COMMD5: variants seen among roughly 807,000 people sequenced by gnomAD.
COMMD5 encodes the protein COMM domain-containing protein 5.
COMMD5 carries 10 observed loss-of-function variants against 6.9 expected under a neutral mutation model. The observed-to-expected ratio is 1.44, with a 90% CI of 0.89 to 2.45. COMMD5 has a LOEUF of 2.45. Ranked by LOEUF, COMMD5 falls within the 30% of genes most tolerant of loss-of-function variation. The pLI is 0.00. For missense variants in COMMD5, 234 were observed against 287.8 expected, an observed-to-expected ratio of 0.81 and a Z score of 1.35; for synonymous variants, 127 against 125.3, an observed-to-expected ratio of 1.01 and a Z score of -0.09.
exon 2 of COMMD5, chr8:144,841,325 A>G: frequency 3.8e-6 from 6 of 1,572,764 alleles, no homozygotes; most frequent in Non-Finnish European, 5.2e-6. Context: ...CACAGGGCCT[A>G]AGGAACGTCT....
At chr8:144,843,570 AGAGT>A (rs1830284876) in intron 1 of COMMD5, 1 of 143,560 alleles carries the variant, frequency 7.0e-6, no homozygotes, top group African/African-American at 2.7e-5. Context: ...CCTGGGTGAC[AGAGT>A]GAGACTCCCT....
chr8:144,848,589 A>T (rs1226081558), downstream of COMMD5, among the ~76,000 whole-genome samples: 4 of 152,204 alleles, frequency 2.6e-5, no homozygotes, highest in African/African-American at 9.7e-5. Context: ...CAGGGTGGAC[A>T]GAAACTTCAT....
intron 1 of COMMD5, chr8:144,841,754 AAATT>A (rs781091698): frequency 1.7e-5 from 27 of 1,614,048 alleles, no homozygotes; most frequent in Non-Finnish European, 2.5e-6. Context: ...CTGCATTGGG[AAATT>A]AATACACAGA....
At position 144,850,262 on chromosome 8, in the gene COMMD5, A is replaced by C. The variant is rs1830676038; in HGVS notation, c.*402T>G. ...GTCAGCTCCATGGGGTCAGGGATTT[A>C]AGGCAGAAGAGTGAAAATGCCCAAC... On this transcript the variant is annotated 3_prime_UTR_variant, in exon 2 of 2. Transcript: ENST00000305103. This position sits in a 1 kb window ranked among gnomAD's most constrained non-coding sequence, Gnocchi z 4.0. 5.9e-6 allele frequency: 1 copy of C among 170,336 alleles called. No individual in the cohort carries two copies. Among genetic ancestry groups the C allele is most frequent in the African/African-American group, 2.4e-5 (1 of 41,948 alleles). 10.6% of individuals were successfully genotyped at this position (170,336 alleles called of 1,614,324 possible). A position where few individuals can be genotyped will look rare whatever the true frequency, so the allele number is the denominator to read the frequency against.
At chr8:144,844,568 G>A (rs1830386515) in intron 1 of COMMD5, among the ~76,000 whole-genome samples, 1 of 151,946 alleles carries the variant, frequency 6.6e-6, no homozygotes, top group South Asian at 2.1e-4. Flanking sequence ...AAATTAGCCG[G>A]GCGTGGTGGC....
chr8:144,838,950 A>AG (rs1251725148), downstream of COMMD5: 4 of 152,116 alleles, frequency 2.6e-5, no homozygotes, highest in African/African-American at 7.3e-5. Context: ...TCAAAAAAAA[A>AG]AAAAAAAAAA....
At chr8:144,849,860 C>T (rs114762571), downstream of COMMD5, among the ~76,000 whole-genome samples, 1,935 of 152,254 alleles carry the variant, frequency 0.013, 38 homozygotes, top group African/African-American at 0.044. Context: ...CTCAGAAGGG[C>T]TCCTCTGTCA....
chr8:144,850,564 T>C lies in COMMD5; in HGVS notation c.*100A>G. 3.9e-6 allele frequency: 5 copies of C among 1,268,228 alleles called. No homozygotes were observed. The highest frequency in any genetic ancestry group is 4.3e-6 in the Non-Finnish European group (4 of 920,186). 78.6% of individuals were successfully genotyped at this position (1,268,228 alleles called of 1,614,324 possible). A position where few individuals can be genotyped will look rare whatever the true frequency, so the allele number is the denominator to read the frequency against. ...AACACTCACTGAAGAGCCTGCCTCA[T>C]GGGAAGGGCAGGGCTGTCGTGGGAA... is the stretch of plus-strand genomic sequence containing the variant. On this transcript the variant is annotated 3_prime_UTR_variant, in exon 2 of 2. Transcript: ENST00000305103. The surrounding 1 kb of genome is among the most constrained non-coding windows in gnomAD (Gnocchi z 4.0).
chr8:144,843,400 TA>T, intron 1 of COMMD5: 2 of 434,084 alleles, frequency 4.6e-6, no homozygotes, highest in Non-Finnish European at 8.0e-6. Flanking sequence ...CCATCCTGGG[TA>T]ACAGGTGAAA....
rs770571914 is a variant in COMMD5, at chr8:144,850,936, G to A, written c.403C>T (p.Arg135Trp). The A allele has an allele frequency of 5.0e-6, 8 of 1,607,508 alleles. No homozygotes were observed. Among genetic ancestry groups the A allele is most frequent in the East Asian group, 2.2e-5 (1 of 44,620 alleles). Residue 135 changes from arginine to tryptophan, a missense_variant, in exon 2 of 2, where the codon CGG (arginine) becomes TGG (tryptophan). Transcript: ENST00000305103. This position sits in a 1 kb window ranked among gnomAD's most constrained non-coding sequence, Gnocchi z 4.0. Reference protein sequence around the residue: ...DLASVVFGSQRPLLDSVAQQQ... With the variant: ...DLASVVFGSQWPLLDSVAQQQ... ...TGGGCCACAGAATCAAGGAGGGGCC[G>A]CTGGCTCCCAAATACCACGCTGGCC...
At position 144,852,839 on chromosome 8, in the gene COMMD5, C is replaced by A. The variant is rs1434965096; in HGVS notation, c.-58G>T. ...CCCCCACGGTTCGGGGCCAACCTAC[C>A]GGCGGGCGCTCCTCCGCGGAAAAGC... On this transcript the variant is annotated splice_region_variant and 5_prime_UTR_variant, in exon 1 of 2. Coordinates refer to ENST00000305103, the MANE Select transcript of COMMD5 (RefSeq NM_014066.4). 2 of 152,274 alleles carry A rather than the reference C, an allele frequency of 1.3e-5. No individual in the cohort carries two copies. Among genetic ancestry groups the A allele is most frequent in the Non-Finnish European group, 2.9e-5 (2 of 68,078 alleles). 9.4% of individuals were successfully genotyped at this position (152,274 alleles called of 1,614,324 possible).
chr8:144,841,668 G>C, exon 2 of COMMD5: 2 of 1,610,616 alleles, frequency 1.2e-6, no homozygotes, highest in Non-Finnish European at 1.7e-6. Flanking sequence ...TTGAAAGTCA[G>C]GGAGAGAGTG....
downstream of COMMD5, among the ~76,000 whole-genome samples, chr8:144,839,307 G>C (rs560409390): frequency 6.6e-6 from 1 of 152,226 alleles, no homozygotes; most frequent in Admixed American, 6.5e-5. Context: ...CCTTGCAGCC[G>C]CCCAGGAAGT....
chr8:144,850,649 T>C lies in COMMD5; in HGVS notation c.*15A>G, dbSNP rs1314258843. ...TGTCCAAGCCGGATCTGAATGGGAC[T>C]GGTCAAGTGAGGGGTCAGTCCTGCA... On this transcript the variant is annotated 3_prime_UTR_variant, in exon 2 of 2. Coordinates refer to ENST00000305103, the MANE Select transcript of COMMD5 (RefSeq NM_014066.4). This position sits in a 1 kb window ranked among gnomAD's most constrained non-coding sequence, Gnocchi z 4.0. 8 of 1,606,262 alleles carry C rather than the reference T, an allele frequency of 5.0e-6. No individual in the cohort carries two copies. Among genetic ancestry groups the C allele is most frequent in the Admixed American group, 1.7e-5 (1 of 59,874 alleles).
Position 144,853,034 on chromosome 8 carries a change from C to G in COMMD5, c.-253G>C, listed in dbSNP as rs1438232796. On this transcript the variant is annotated 5_prime_UTR_variant, in exon 1 of 2. Transcript: ENST00000305103. ...CCGGCTGATGCAGCCAAAAGCGGGCCTGGTCCCCGGAAGCGCCCTGAGAGC... is the reference window on the plus strand; with the variant it reads ...CCGGCTGATGCAGCCAAAAGCGGGCGTGGTCCCCGGAAGCGCCCTGAGAGC... 6.6e-6 allele frequency: 1 copy of G among 152,404 alleles called. No individual in the cohort carries two copies. Among genetic ancestry groups the G allele is most frequent in the African/African-American group, 2.4e-5 (1 of 41,476 alleles). The allele number at this position is 152,404 out of a possible 1,614,324, so 9.4% of individuals were successfully genotyped here. A position where few individuals can be genotyped will look rare whatever the true frequency, so the allele number is the denominator to read the frequency against.
chr8:144,844,432 C>T (rs901523342), intron 1 of COMMD5, among the ~76,000 whole-genome samples: 35 of 151,974 alleles, frequency 2.3e-4, no homozygotes, highest in South Asian at 1.0e-3. Context: ...GAAAATGGGC[C>T]GGGCGTGGTG....
downstream of COMMD5, chr8:144,845,872 C>G: frequency 1.8e-6 from 2 of 1,125,756 alleles, no homozygotes; most frequent in Non-Finnish European, 2.5e-6. Flanking sequence ...GTGTCCCTGC[C>G]TTGCGTCACG....
intron 1 of COMMD5, among the ~76,000 whole-genome samples, chr8:144,852,075 T>C (rs1417049338): frequency 2.1e-5 from 3 of 140,030 alleles, no homozygotes; most frequent in Non-Finnish European, 3.0e-5. Context: ...CAGGAAGTCG[T>C]GGCTGCAGTG....
At chr8:144,843,157 C>T (rs1328316825) in intron 1 of COMMD5, 2 of 1,587,808 alleles carry the variant, frequency 1.3e-6, no homozygotes, top group Non-Finnish European at 1.7e-6. Flanking sequence ...TCAAAAAATT[C>T]ACATGGGATA....
Sources: allele counts gnomAD v4.1 joint callset (sites outside exome capture counted in the v4.1 genomes callset), GRCh38; gene constraint gnomAD v4.1.1; non-coding constraint Gnocchi (gnomAD v3.1); transcripts MANE v1.5; gene names NCBI Gene and HGNC (gene_info 2026-07-23, HGNC 2026-07-21).